The following CADPS variants were observed in gnomAD, a reference collection of about 807,000 sequenced individuals.
CADPS encodes calcium dependent secretion activator.
In CADPS, 57 loss-of-function variants were observed where a neutral mutation model predicts 167.3. That is an observed-to-expected ratio of 0.34 (90% CI 0.28 to 0.42). The LOEUF (loss-of-function observed/expected upper bound fraction) is 0.42, where lower values mean the gene tolerates loss of function less well. Ranked by LOEUF, CADPS falls within the 20% of genes least tolerant of loss-of-function variation. The pLI, the probability that CADPS is intolerant of heterozygous loss-of-function variation, is 1.00. For synonymous variants in CADPS, 676 were observed against 635.3 expected (o/e 1.06, Z -0.96); for missense variants, 1,414 against 1,738.1 (o/e 0.81, Z 3.32).
At chr3:62,713,305 G>C (rs1283280118) in intron 3 of CADPS, among the ~76,000 whole-genome samples, 1 of 152,010 alleles carries the variant, frequency 6.6e-6, no homozygotes, top group East Asian at 1.9e-4. Flanking sequence ...TATTTGTGTC[G>C]GTGAGGTAGG....
At chr3:62,553,698 C>G (rs967705383) in intron 10 of CADPS, among the ~76,000 whole-genome samples, 2 of 152,008 alleles carry the variant, frequency 1.3e-5, no homozygotes, top group African/African-American at 4.8e-5. Flanking sequence ...CAGAAAGCAC[C>G]AGAGGCTGAG....
rs572433108 is a variant in CADPS at position 62,514,392 on chromosome 3, A to C, written c.2582-1624T>G. On this transcript the variant is annotated intron_variant, in intron 16 of 29. Transcript: ENST00000383710. This position sits in a 1 kb window ranked among gnomAD's most constrained non-coding sequence, Gnocchi z 4.2. ...GAGGTCACATTAAAGTGGCTGAGCCAATCACGGACAAGGAAGGAGAGAAGC... is the reference window on the plus strand; with the variant it reads ...GAGGTCACATTAAAGTGGCTGAGCCCATCACGGACAAGGAAGGAGAGAAGC... 7.6e-4 allele frequency among the ~76,000 whole-genome samples: 115 copies of C among 152,214 alleles called. 2 individuals carry two copies. The South Asian group carries it at 0.022, about 29-fold the overall frequency.
chr3:62,831,998 G>A (rs1484248174), intron 1 of CADPS, among the ~76,000 whole-genome samples: 1 of 152,190 alleles, frequency 6.6e-6, no homozygotes, highest in Non-Finnish European at 1.5e-5. Flanking sequence ...TGGTCAAGAT[G>A]CTAAGCAGAC....
intron 28 of CADPS, among the ~76,000 whole-genome samples, chr3:62,434,817 C>T (rs886893928): frequency 1.3e-5 from 2 of 152,142 alleles, no homozygotes; most frequent in East Asian, 3.9e-4. Flanking sequence ...AACCATCCAG[C>T]CTTTTCTACA....
intron 28 of CADPS, among the ~76,000 whole-genome samples, chr3:62,429,781 A>G (rs1162528925): frequency 6.6e-6 from 1 of 152,202 alleles, no homozygotes; most frequent in Non-Finnish European, 1.5e-5. Context: ...CTGTGACCTT[A>G]ACGTAACAGA....
chr3:62,748,935 C>T (rs1420957379), intron 3 of CADPS, among the ~76,000 whole-genome samples: 1 of 152,178 alleles, frequency 6.6e-6, no homozygotes, highest in Non-Finnish European at 1.5e-5. Flanking sequence ...ACTCACATGA[C>T]CTTCCCATCT....
intron 8 of CADPS, among the ~76,000 whole-genome samples, chr3:62,584,512 T>G (rs1287741131): frequency 6.6e-6 from 1 of 152,234 alleles, no homozygotes; most frequent in Non-Finnish European, 1.5e-5. Context: ...ACGATTATCA[T>G]GTTTTCTGAG....
chr3:62,733,970 A>G (rs2078464203), intron 3 of CADPS, among the ~76,000 whole-genome samples: 1 of 152,154 alleles, frequency 6.6e-6, no homozygotes, highest in Non-Finnish European at 1.5e-5. Flanking sequence ...TACTTCTTTC[A>G]TTCCGTTTTA....
intron 6 of CADPS, among the ~76,000 whole-genome samples, chr3:62,617,127 G>T (rs941810595): frequency 6.6e-6 from 1 of 152,162 alleles, no homozygotes; most frequent in Non-Finnish European, 1.5e-5. Context: ...TTCATTTGAA[G>T]AACTGAGTAA....
chr3:62,851,772 G>C (rs1427026806), intron 1 of CADPS, among the ~76,000 whole-genome samples: 1 of 149,968 alleles, frequency 6.7e-6, no homozygotes, highest in East Asian at 2.0e-4. Context: ...TTCTTCTCGA[G>C]GAGTATCTTT....
chr3:62,775,371 T>TC (rs2090027993), intron 1 of CADPS, among the ~76,000 whole-genome samples: 1 of 152,052 alleles, frequency 6.6e-6, no homozygotes, highest in Non-Finnish European at 1.5e-5. Context: ...GTTTTATTTT[T>TC]TAAAAATCAT....
At chr3:62,858,386 A>G (rs2153162292) in intron 1 of CADPS, among the ~76,000 whole-genome samples, 1 of 152,258 alleles carries the variant, frequency 6.6e-6, no homozygotes, top group East Asian at 1.9e-4. Flanking sequence ...TTCTCCCCTA[A>G]GCATGGAATA....
At chr3:62,400,589 C>CG (rs1266264345) in intron 29 of CADPS, among the ~76,000 whole-genome samples, 4 of 73,630 alleles carry the variant, frequency 5.4e-5, no homozygotes, top group African/African-American at 1.9e-4. Context: ...ATCATTCTTT[C>CG]TTTTTTTTTT....
chr3:62,712,926 T>A (rs1457021297), intron 3 of CADPS, among the ~76,000 whole-genome samples: 9 of 152,188 alleles, frequency 5.9e-5, no homozygotes, highest in Admixed American at 5.9e-4. Context: ...GAAGGCCATA[T>A]AGTTAATGGA....
rs561297847 is a variant in CADPS at position 62,656,738 on chromosome 3, T to C, written c.969+5576A>G. Among the ~76,000 whole-genome samples the C allele has an allele frequency of 5.3e-5, 8 of 152,280 alleles. 1 individual carries two copies. The South Asian group carries it at 1.4e-3, about 28-fold the overall frequency. ...TAAATGAGAGAAAGAGGTCTTGGTATTAATTTGTCAAAATAGGCATTGCAG... is the reference window on the plus strand; with the variant it reads ...TAAATGAGAGAAAGAGGTCTTGGTACTAATTTGTCAAAATAGGCATTGCAG... On this transcript the variant is annotated intron_variant, in intron 4 of 29. Transcript: ENST00000383710.
chr3:62,600,068 A>G (rs1424023821), intron 6 of CADPS, among the ~76,000 whole-genome samples: 1 of 147,250 alleles, frequency 6.8e-6, no homozygotes, highest in Admixed American at 7.1e-5. Flanking sequence ...AGGGGATTGT[A>G]GAGAGGTGAG....
At chr3:62,622,849 C>T (rs563744450) in intron 6 of CADPS, among the ~76,000 whole-genome samples, 11 of 152,182 alleles carry the variant, frequency 7.2e-5, no homozygotes, top group African/African-American at 1.7e-4. Context: ...TCAGCCACAG[C>T]GCATTTTTAA....
At chr3:62,609,545 A>G (rs1317812056) in intron 6 of CADPS, among the ~76,000 whole-genome samples, 1 of 152,158 alleles carries the variant, frequency 6.6e-6, no homozygotes, top group South Asian at 2.1e-4. Flanking sequence ...GCCTCATTTG[A>G]GTCTTGGTTT....
chr3:62,656,283 G>T (rs1327212395), intron 4 of CADPS, among the ~76,000 whole-genome samples: 1 of 152,056 alleles, frequency 6.6e-6, no homozygotes, highest in Non-Finnish European at 1.5e-5. Flanking sequence ...ATGTTAGTTG[G>T]CACTTACTGA....
Sources: allele counts gnomAD v4.1 joint callset (sites outside exome capture counted in the v4.1 genomes callset), GRCh38; gene constraint gnomAD v4.1.1; non-coding constraint Gnocchi (gnomAD v3.1); transcripts MANE v1.5; gene names NCBI Gene and HGNC (gene_info 2026-07-23, HGNC 2026-07-21).